ASTN1: variants seen among roughly 807,000 people sequenced by gnomAD.
ASTN1 encodes astrotactin 1.
In ASTN1, 41 loss-of-function variants were observed where a neutral mutation model predicts 140.7. That is an observed-to-expected ratio of 0.29 (90% CI 0.23 to 0.38). ASTN1 has a LOEUF of 0.38. Ranked by LOEUF, ASTN1 falls within the 10% of genes least tolerant of loss-of-function variation. The pLI is 1.00. For missense variants in ASTN1, 1,479 were observed against 1,678.8 expected, an observed-to-expected ratio of 0.88 and a Z score of 2.08; for synonymous variants, 640 against 652.2, an observed-to-expected ratio of 0.98 and a Z score of 0.29.
intron 2 of ASTN1, among the ~76,000 whole-genome samples, chr1:177,045,902 C>T (rs1677194372): frequency 1.1e-5 from 1 of 89,518 alleles, no homozygotes; most frequent in African/African-American, 4.1e-5. Context: ...AGACATGTAG[C>T]TGCTACAGAC....
chr1:177,086,265 G>A (rs961268764), intron 1 of ASTN1, among the ~76,000 whole-genome samples: 1 of 71,448 alleles, frequency 1.4e-5, no homozygotes, highest in Non-Finnish European at 2.5e-5. Flanking sequence ...CACTTTCTCT[G>A]TAGTGTCATG....
intron 16 of ASTN1, among the ~76,000 whole-genome samples, chr1:176,915,668 C>T (rs986481476): frequency 1.3e-5 from 2 of 152,096 alleles, no homozygotes; most frequent in Non-Finnish European, 2.9e-5. Context: ...TTCCCCAGAA[C>T]CCAACATCTA....
At chr1:176,954,333 T>C (rs1672314003) in intron 11 of ASTN1, among the ~76,000 whole-genome samples, 1 of 152,090 alleles carries the variant, frequency 6.6e-6, no homozygotes, top group Admixed American at 6.6e-5. Flanking sequence ...AGAAAAATGG[T>C]CAGAAAAATG....
At chr1:177,085,890 C>T (rs1679441600) in intron 1 of ASTN1, among the ~76,000 whole-genome samples, 1 of 152,164 alleles carries the variant, frequency 6.6e-6, no homozygotes, top group South Asian at 2.1e-4. Context: ...CACCAACCTC[C>T]TCATTATAGG....
At chr1:176,901,813 G>A (rs1669779452) in intron 16 of ASTN1, among the ~76,000 whole-genome samples, 1 of 152,186 alleles carries the variant, frequency 6.6e-6, no homozygotes, top group Non-Finnish European at 1.5e-5. Flanking sequence ...GTTCACAACT[G>A]TCCAACACAT....
intron 8 of ASTN1, among the ~76,000 whole-genome samples, chr1:177,002,036 C>T (rs1408831265): frequency 6.6e-6 from 1 of 152,156 alleles, no homozygotes; most frequent in Non-Finnish European, 1.5e-5. Flanking sequence ...TTAATGCAGT[C>T]TTAGGGCCTT....
chr1:176,949,428 G>A, intron 11 of ASTN1, 77 bp from the exon 12 acceptor site: 1 of 1,456,826 alleles, frequency 6.9e-7, no homozygotes. Context: ...TGTAACCACT[G>A]ACACCAATTT....
At chr1:177,012,822 T>C (rs927670939) in intron 8 of ASTN1, among the ~76,000 whole-genome samples, 2 of 152,184 alleles carry the variant, frequency 1.3e-5, no homozygotes, top group African/African-American at 4.8e-5. Flanking sequence ...CCAGCCTGGA[T>C]CACTCAGGGC....
At chr1:177,088,381 G>A (rs984922768) in intron 1 of ASTN1, among the ~76,000 whole-genome samples, 3 of 152,060 alleles carry the variant, frequency 2.0e-5, no homozygotes, top group Admixed American at 6.6e-5. Flanking sequence ...AGGGGAAATC[G>A]AGGCAGTTTA....
At chr1:177,001,929 C>T (rs572748156) in intron 8 of ASTN1, among the ~76,000 whole-genome samples, 1 of 152,166 alleles carries the variant, frequency 6.6e-6, no homozygotes, top group South Asian at 2.1e-4. Flanking sequence ...TGTGGTTATA[C>T]ACAAGGGAGT....
chr1:177,111,394 A>C (rs1680816841), intron 1 of ASTN1, among the ~76,000 whole-genome samples: 1 of 152,070 alleles, frequency 6.6e-6, no homozygotes, highest in Non-Finnish European at 1.5e-5. Context: ...ATCACTTGGG[A>C]TCTTGTTAAA....
At position 177,095,472 on chromosome 1, in the gene ASTN1, GCTCCATT is replaced by G. The variant is rs537205410; in HGVS notation, c.284-34214_284-34208del. Among the ~76,000 whole-genome samples, 300 of 152,260 alleles carry G rather than the reference GCTCCATT, an allele frequency of 2.0e-3. 2 individuals carry two copies. The highest frequency in any genetic ancestry group is 7.0e-3 in the African/African-American group (289 of 41,566). On this transcript the variant is annotated intron_variant, in intron 1 of 22. Transcript: ENST00000361833. The stretch of plus-strand genomic sequence containing the variant: ...GCCTGGAGGGAAGAACAATTTCAAG[GCTCCATT>G]CCCCACCCTGTAGTGCAGTATCCTC...
intron 14 of ASTN1, among the ~76,000 whole-genome samples, chr1:176,938,793 G>A (rs1356476781): frequency 2.6e-5 from 4 of 152,140 alleles, no homozygotes; most frequent in Admixed American, 2.0e-4. Context: ...CAGGTTGTGA[G>A]AACAAAATAA....
chr1:177,032,431 C>T lies in ASTN1; in HGVS notation c.865+25G>A, dbSNP rs78529626. 1.6e-3 allele frequency: 2,564 copies of T among 1,603,790 alleles called. 26 individuals are homozygous for T. The African/African-American group carries it at 0.028, about 17-fold the overall frequency. On this transcript the variant is annotated intron_variant, in intron 3 of 22. Coordinates refer to ENST00000361833, the MANE Select transcript of ASTN1 (RefSeq NM_004319.3). ...CTCCTTGAGATGAAGGACCAAACAG[C>T]CCCTTGCCTTTCTCCCATCCCCACC...
chr1:176,902,118 C>G (rs981052116), intron 16 of ASTN1, among the ~76,000 whole-genome samples: 10 of 152,290 alleles, frequency 6.6e-5, no homozygotes, highest in Admixed American at 3.3e-4. Flanking sequence ...AGGGCACCTC[C>G]GCAAAATGTC....
chr1:177,106,727 C>T (rs1680560781), intron 1 of ASTN1, among the ~76,000 whole-genome samples: 1 of 152,158 alleles, frequency 6.6e-6, no homozygotes, highest in Non-Finnish European at 1.5e-5. Context: ...ATCAACAAAG[C>T]ATCATCAGCT....
rs538221544 is a variant in ASTN1 at position 176,864,400 on chromosome 1, C to T, written c.3769G>A (p.Glu1257Lys). Residue 1257 changes from glutamate to lysine, a missense_variant, in exon 23 of 23, where the codon GAG (glutamate) becomes AAG (lysine). Around this residue, in one of 3 missense-constraint regions of ASTN1, gnomAD observed 746 missense variants for 800.9 expected, o/e 0.93. Transcript: ENST00000361833. The stretch of plus-strand genomic sequence containing the variant: ...CAGTCAAGTCCGTAGGGTTTGATCT[C>T]GCTGTAGCGGCACCCCAGGTACTTG... ...SLKYLGCRYS[E>K]IKPYGLDWAE... 16 of 1,613,960 alleles carry T rather than the reference C, an allele frequency of 9.9e-6. No individual in the cohort carries two copies. Among genetic ancestry groups the T allele is most frequent in the East Asian group, 6.7e-5 (3 of 44,872 alleles).
intron 1 of ASTN1, among the ~76,000 whole-genome samples, chr1:177,093,953 T>C (rs1191331406): frequency 6.6e-6 from 1 of 152,148 alleles, no homozygotes; most frequent in Non-Finnish European, 1.5e-5. Flanking sequence ...GATCTACATA[T>C]AAATACTGAT....
intron 7 of ASTN1, among the ~76,000 whole-genome samples, chr1:177,020,020 A>G (rs1558035695): frequency 6.6e-6 from 1 of 152,002 alleles, no homozygotes; most frequent in Non-Finnish European, 1.5e-5. Context: ...GAGTAGCTAG[A>G]ACTACAGGTG....
Sources: gnomAD v4.1 joint callset for allele counts (sites outside exome capture counted in the v4.1 genomes callset) on GRCh38, gnomAD v4.1.1 for gene constraint, gnomAD v4.1.1 regional missense constraint, MANE v1.5 for transcripts, NCBI Gene and HGNC (gene_info 2026-07-23, HGNC 2026-07-21) for gene names.